DNAH9: variants seen among roughly 807,000 people sequenced by gnomAD.
DNAH9 encodes the protein dynein axonemal heavy chain 9.
In DNAH9, 345 loss-of-function variants were observed where a neutral mutation model predicts 471.6. That is an observed-to-expected ratio of 0.73 (90% CI 0.67 to 0.80). The LOEUF is 0.80. Ranked by LOEUF, DNAH9 falls within the 30% of genes least tolerant of loss-of-function variation. The pLI is 0.00. For synonymous variants in DNAH9, 2,093 were observed against 2,123.6 expected (o/e 0.99, Z 0.40); for missense variants, 5,407 against 5,609.2 (o/e 0.96, Z 1.15).
At chr17:11,846,981 T>C (rs1002541067) in intron 49 of DNAH9, among the ~76,000 whole-genome samples, 1 of 151,458 alleles carries the variant, frequency 6.6e-6, no homozygotes, top group East Asian at 1.9e-4. Context: ...CTTTTCCTAA[T>C]TGAATACCCT....
rs572650338 is a variant in DNAH9 at position 11,613,393 on chromosome 17, G to A, written c.904+1613G>A. Among the ~76,000 whole-genome samples, 14 of 152,196 alleles carry A rather than the reference G, an allele frequency of 9.2e-5. No homozygotes were observed. The East Asian group carries it at 1.7e-3, about 19-fold the overall frequency. Reference sequence around the variant, plus strand: ...TCCCAGCACTTTGGGAGGCCGAGGCGGACAGATCACGAGGTCAGGAGATTG... The same window carrying A: ...TCCCAGCACTTTGGGAGGCCGAGGCAGACAGATCACGAGGTCAGGAGATTG... On this transcript the variant is annotated intron_variant, in intron 4 of 68. Coordinates refer to ENST00000262442, the MANE Select transcript of DNAH9 (RefSeq NM_001372.4).
chr17:11,853,921 C>A, intron 49 of DNAH9, 82 bp from the exon 50 acceptor site: 1 of 1,386,768 alleles, frequency 7.2e-7, no homozygotes, highest in Non-Finnish European at 9.9e-7. Context: ...AAACCGATCG[C>A]TCCACAACCT....
intron 45 of DNAH9, among the ~76,000 whole-genome samples, chr17:11,815,992 C>T (rs1057029484): frequency 7.9e-5 from 12 of 152,108 alleles, no homozygotes; most frequent in Non-Finnish European, 1.6e-4. Context: ...ATTGCTTATG[C>T]TGTTCCTTTT....
chr17:11,923,059 T>TG (rs1482696824), intron 61 of DNAH9, among the ~76,000 whole-genome samples: 3 of 149,638 alleles, frequency 2.0e-5, no homozygotes, highest in South Asian at 2.1e-4. Context: ...TTCTTTTTTT[T>TG]TTGTTTGTTT....
At chr17:11,771,805 A>G (rs1968217558) in intron 38 of DNAH9, among the ~76,000 whole-genome samples, 1 of 152,224 alleles carries the variant, frequency 6.6e-6, no homozygotes, top group African/African-American at 2.4e-5. Context: ...TAATAATAAT[A>G]GCAACAACAA....
intron 33 of DNAH9, among the ~76,000 whole-genome samples, chr17:11,755,554 G>A (rs1967346565): frequency 1.3e-5 from 2 of 152,088 alleles, no homozygotes; most frequent in Non-Finnish European, 2.9e-5. Context: ...TACTATAAAA[G>A]GAACAGTATT....
At chr17:11,674,925 G>A (rs2074027236) in intron 17 of DNAH9, among the ~76,000 whole-genome samples, 2 of 152,020 alleles carry the variant, frequency 1.3e-5, no homozygotes, top group Non-Finnish European at 2.9e-5. Flanking sequence ...GTCTCCACCT[G>A]GATCATTTTC....
rs371963682 is a variant in DNAH9, at chr17:11,868,964, TC to T, written c.9934-166del. On this transcript the variant is annotated intron_variant, in intron 50 of 68. Transcript: ENST00000262442. ...CCTTGCTAGGACCCGCCTGAGATCT[TC>T]CCCGAATGTGCTTTCATTTCGTTCT... 2.6e-4 allele frequency among the ~76,000 whole-genome samples: 40 copies of T among 152,204 alleles called. No homozygotes were observed. The South Asian group carries it at 3.1e-3, about 12-fold the overall frequency.
chr17:11,897,312 G>T (rs1056614152), intron 59 of DNAH9, among the ~76,000 whole-genome samples: 3 of 152,174 alleles, frequency 2.0e-5, no homozygotes, highest in African/African-American at 7.2e-5. Flanking sequence ...AAAATTGATT[G>T]ATTCATATAC....
intron 14 of DNAH9, among the ~76,000 whole-genome samples, chr17:11,654,565 A>T (rs1309551348): frequency 6.6e-6 from 1 of 151,974 alleles, no homozygotes; most frequent in Non-Finnish European, 1.5e-5. Context: ...GTAACATTTT[A>T]ATTATCCAGG....
At chr17:11,826,360 G>GT (rs1239089062) in intron 48 of DNAH9, among the ~76,000 whole-genome samples, 4 of 151,098 alleles carry the variant, frequency 2.6e-5, no homozygotes, top group Non-Finnish European at 3.0e-5. Flanking sequence ...CCGGAAGCTG[G>GT]GGGGGTAATT....
In DNAH9 at chr17:11,902,847, G is replaced by C. The variant is rs200977350; in HGVS notation, c.11535G>C (p.Lys3845Asn). 887 of 1,613,980 alleles carry C rather than the reference G, an allele frequency of 5.5e-4. No homozygotes were observed. The highest frequency in any genetic ancestry group is 7.0e-4 in the Non-Finnish European group (826 of 1,179,874). Residue 3845 changes from lysine to asparagine, a missense_variant, in exon 60 of 69, where the codon AAG (lysine) becomes AAC (asparagine). By Grantham distance (94) the Lys-to-Asn change is moderately conservative. This residue lies in a region of DNAH9 where 4,636 missense variants were observed against 4,900.3 expected (regional missense o/e 0.95). Coordinates refer to ENST00000262442, the MANE Select transcript of DNAH9 (RefSeq NM_001372.4). ...AGCTCCCACAGGAGTGGAAGAACAA[G>C]ACAGCCCTGCAGCGCCTCTGCATGC... is the stretch of plus-strand genomic sequence containing the variant. ...KEKLPQEWKN[K>N]TALQRLCMLR... is the part of the protein sequence containing the mutation.
chr17:11,767,955 G>T (rs114482581), intron 36 of DNAH9, among the ~76,000 whole-genome samples: 3,973 of 152,152 alleles, frequency 0.026, 154 homozygotes, highest in African/African-American at 0.091. Flanking sequence ...ATAGAAAGAA[G>T]GATTTGCCTG....
chr17:11,709,297 A>C (rs1294139191), intron 26 of DNAH9, among the ~76,000 whole-genome samples: 2 of 152,228 alleles, frequency 1.3e-5, no homozygotes, highest in African/African-American at 4.8e-5. Context: ...TTGTTTGCGC[A>C]TTAGTTGCTT....
At chr17:11,847,701 G>A (rs115538237) in intron 49 of DNAH9, among the ~76,000 whole-genome samples, 2,567 of 152,226 alleles carry the variant, frequency 0.017, 67 homozygotes, top group African/African-American at 0.058. Flanking sequence ...TCTCCCATTC[G>A]TTCTGCTCCC....
intron 28 of DNAH9, 58 bp downstream of exon 28, chr17:11,727,980 C>T: frequency 9.1e-7 from 1 of 1,098,260 alleles, no homozygotes; most frequent in East Asian, 2.4e-5. Flanking sequence ...CTGCGGAAGT[C>T]TATGTCCTCT....
At chr17:11,805,552 TTTTTTTTTTTTTTG>T (rs1969639211) in intron 43 of DNAH9, among the ~76,000 whole-genome samples, 3 of 104,888 alleles carry the variant, frequency 2.9e-5, no homozygotes, top group Admixed American at 1.0e-4. Flanking sequence ...TTTTTTTTTT[TTTTTTTTTTTTTTG>T]AGATGGAGTC....
intron 30 of DNAH9, 147 bp downstream of exon 30, chr17:11,742,460 AC>A: frequency 1.4e-6 from 1 of 713,172 alleles, no homozygotes; most frequent in Non-Finnish European, 2.2e-6. Context: ...ACCTCTGAAC[AC>A]TTCCATATTA....
chr17:11,646,112 C>T lies in DNAH9; in HGVS notation c.1971-960C>T, dbSNP rs190151947. 2.2e-3 allele frequency among the ~76,000 whole-genome samples: 336 copies of T among 152,118 alleles called. 1 individual carries two copies. The highest frequency in any genetic ancestry group is 7.1e-3 in the African/African-American group (293 of 41,502). ...GCCAGGATTGTCTCGATCTCCTGAC[C>T]TTGTGATCTGCCTGCCGTGGCCTCC... On this transcript the variant is annotated intron_variant, in intron 11 of 68. Transcript: ENST00000262442.
Sources: gnomAD v4.1 joint callset for allele counts (sites outside exome capture counted in the v4.1 genomes callset) on GRCh38, gnomAD v4.1.1 for gene constraint, gnomAD v4.1.1 regional missense constraint, MANE v1.5 for transcripts, NCBI Gene and HGNC (gene_info 2026-07-23, HGNC 2026-07-21) for gene names.